Variants in NDUFV3 observed in about 807,000 individuals in gnomAD.
The protein encoded by NDUFV3 is NADH:ubiquinone oxidoreductase subunit V3.
A neutral mutation model predicts 37.5 loss-of-function variants in NDUFV3; 44 were observed. The observed-to-expected ratio is 1.17, with a 90% CI of 0.92 to 1.51. The LOEUF (loss-of-function observed/expected upper bound fraction) is 1.51, where lower values mean the gene tolerates loss of function less well. Among genes scored for constraint, NDUFV3 ranks in the 40% most tolerant of loss-of-function variants. The probability of loss-of-function intolerance (pLI) is 0.00; values close to 1 mark genes in which losing one functional copy is unlikely to be tolerated. For missense variants in NDUFV3, 580 were observed against 580.4 expected (o/e 1.00, Z 0.01); for synonymous variants, 235 against 239.3 (o/e 0.98, Z 0.17).
intron 2 of NDUFV3, among the ~76,000 whole-genome samples, chr21:42,901,968 G>A (rs1410251052): frequency 3.9e-5 from 6 of 152,244 alleles, no homozygotes; most frequent in Admixed American, 3.3e-4. Context: ...CAGCACTTTG[G>A]GAGGCCAAGG....
chr21:42,893,784 C>T (rs1378554936), intron 1 of NDUFV3, among the ~76,000 whole-genome samples: 2 of 152,254 alleles, frequency 1.3e-5, no homozygotes, highest in Admixed American at 1.3e-4. Context: ...CTCCATTTAG[C>T]CAAGAGAGGA....
intron 2 of NDUFV3, among the ~76,000 whole-genome samples, chr21:42,899,969 G>A (rs13047012): frequency 0.046 from 6,972 of 152,254 alleles, 223 homozygotes; most frequent in South Asian, 0.092. Flanking sequence ...AAGCTGAGGC[G>A]GGAGGATCAG....
Position 42,893,350 on chromosome 21 carries a change from T to G in NDUFV3, c.17T>G (p.Leu6Trp), listed in dbSNP as rs1301859502. The G allele has an allele frequency of 6.5e-7, 1 of 1,538,438 alleles. No individual in the cohort carries two copies. Among genetic ancestry groups the G allele is most frequent in the African/African-American group, 1.4e-5 (1 of 73,060 alleles). Residue 6 changes from leucine to tryptophan, a missense_variant, in exon 1 of 4, where the codon TTG becomes TGG. By Grantham distance (61) the Leu-to-Trp change is moderately conservative (BLOSUM62 -2). Coordinates refer to ENST00000354250, the MANE Select transcript of NDUFV3 (RefSeq NM_021075.4). Reference protein sequence around the residue: MAAPCLLRQGRAGALK... With the variant: MAAPCWLRQGRAGALK... Reference sequence around the variant, plus strand: ...GTCACCGCCATGGCTGCCCCGTGTTTGCTGCGGCAAGGACGAGCCGGGGCG... The same window carrying G: ...GTCACCGCCATGGCTGCCCCGTGTTGGCTGCGGCAAGGACGAGCCGGGGCG...
chr21:42,906,465 T>A (rs1431648364), intron 3 of NDUFV3, among the ~76,000 whole-genome samples: 2 of 152,190 alleles, frequency 1.3e-5, no homozygotes, highest in African/African-American at 4.8e-5. Context: ...CAAGTGCCGG[T>A]GCTTGCCAGA....
chr21:42,893,498 T>C (rs2058667192), intron 1 of NDUFV3, 117 bp downstream of exon 1: 11 of 1,221,106 alleles, frequency 9.0e-6, no homozygotes, highest in Middle Eastern at 2.7e-4. Flanking sequence ...GCCGTCCTAG[T>C]TGGGCCGCTG....
chr21:42,894,372 T>TA lies in NDUFV3; in HGVS notation c.48+991_48+992insA, dbSNP rs1191662931. Among the ~76,000 whole-genome samples, 17 of 19,054 alleles carry TA rather than the reference T, an allele frequency of 8.9e-4. No homozygotes were observed. In the African/African-American group the frequency reaches 0.023, roughly 26 times the overall value. 12.5% of individuals were successfully genotyped at this position (19,054 alleles called of 152,430 possible). On this transcript the variant is annotated intron_variant, in intron 1 of 3. Transcript: ENST00000354250. The stretch of plus-strand genomic sequence containing the variant: ...ATATAAATATATATTATATATATAT[T>TA]TATATAATATGTAAATATATATTAT...
chr21:42,908,748 G>C (rs1319861220), intron 3 of NDUFV3, 116 bp from the exon 4 acceptor site: 25 of 1,238,932 alleles, frequency 2.0e-5, no homozygotes, highest in Middle Eastern at 4.0e-4. Context: ...ATAAAGAGCT[G>C]TTCACAGATA....
chr21:42,897,687 T>A (rs575613945), intron 2 of NDUFV3, among the ~76,000 whole-genome samples: 1 of 150,814 alleles, frequency 6.6e-6, no homozygotes, highest in East Asian at 2.0e-4. Flanking sequence ...TCTTTAATTC[T>A]TTTTTTTGAG....
intron 2 of NDUFV3, among the ~76,000 whole-genome samples, chr21:42,897,945 G>T (rs1321490910): frequency 6.6e-6 from 1 of 152,222 alleles, no homozygotes; most frequent in Non-Finnish European, 1.5e-5. Flanking sequence ...CAGAGTGCTG[G>T]AATTACAGGC....
rs11385187 is a variant in NDUFV3, at chr21:42,901,283, C to CA, written c.170-1890dup. On this transcript the variant is annotated intron_variant, in intron 2 of 3. Coordinates refer to ENST00000354250, the MANE Select transcript of NDUFV3 (RefSeq NM_021075.4). ...TGAAAACCTGTATCTACTAAAAATACAAAAAAAAATTAGCCGGGCGTGGTG... is the reference window on the plus strand; with the variant it reads ...TGAAAACCTGTATCTACTAAAAATACAAAAAAAAAATTAGCCGGGCGTGGTG... Among the ~76,000 whole-genome samples the CA allele has an allele frequency of 9.9e-3, 1,490 of 150,890 alleles. 39 individuals are homozygous for CA. The highest frequency in any genetic ancestry group is 0.035 in the African/African-American group (1,421 of 41,086).
At chr21:42,894,478 T>TA (rs2058679966) in intron 1 of NDUFV3, among the ~76,000 whole-genome samples, 8 of 63,410 alleles carry the variant, frequency 1.3e-4, no homozygotes, top group African/African-American at 6.2e-4. Context: ...ATATATTATA[T>TA]ATTTATATAT....
At position 42,897,026 on chromosome 21, in the gene NDUFV3, A is replaced by T. The variant is rs1226996128; in HGVS notation, c.148A>T (p.Lys50Ter). The change falls in exon 2 of 4, where the codon AAG becomes TAG. Residue 50 changes from lysine (K) to a stop codon, truncating the protein, a stop_gained. Transcript: ENST00000354250. LOFTEE classifies it high-confidence loss of function. ...TGAAAAGGGTCAGCCACAGAATTCC[A>T]AGAAGCAAAGTCCACCAAAAAGTAA... ...KSEKGQPQNS[K>*]KQSPPKNVVE... is the part of the protein sequence containing the mutation. 1 of 1,614,108 alleles carries T rather than the reference A, an allele frequency of 6.2e-7. No homozygotes were observed. Among genetic ancestry groups the T allele is most frequent in the South Asian group, 1.1e-5 (1 of 91,084 alleles).
At position 42,912,069 on chromosome 21, in the gene NDUFV3, C is replaced by A. The variant is rs980108418; in HGVS notation, c.*3048C>A. On this transcript the variant is annotated 3_prime_UTR_variant, in exon 4 of 4. Transcript: ENST00000354250. ...CAGCCTGACTAACATGGTGAAACCCCCTCTCTACTAAAATTACAAAATTAG... is the reference window on the plus strand; with the variant it reads ...CAGCCTGACTAACATGGTGAAACCCACTCTCTACTAAAATTACAAAATTAG... The A allele has an allele frequency of 6.6e-6, 1 of 151,814 alleles. No homozygotes were observed. The highest frequency in any genetic ancestry group is 6.6e-5 in the Admixed American group (1 of 15,214). 9.4% of individuals were successfully genotyped at this position (151,814 alleles called of 1,614,324 possible).
chr21:42,901,419 C>T lies in NDUFV3; in HGVS notation c.170-1763C>T, dbSNP rs143054565. Among the ~76,000 whole-genome samples the T allele has an allele frequency of 3.1e-3, 470 of 149,562 alleles. 2 individuals are homozygous for T. Among genetic ancestry groups the T allele is most frequent in the African/African-American group, 0.01 (425 of 40,556 alleles). On this transcript the variant is annotated intron_variant, in intron 2 of 3. Transcript: ENST00000354250. ...ATCACGCCATTGCACTCTAGCCTGA[C>T]CCAAAAGAGTGAAACTCCATCTCAA... is the stretch of plus-strand genomic sequence containing the variant.
At chr21:42,901,931 G>T (rs565546296) in intron 2 of NDUFV3, among the ~76,000 whole-genome samples, 1 of 152,162 alleles carries the variant, frequency 6.6e-6, no homozygotes, top group African/African-American at 2.4e-5. Context: ...ATAAAATGCC[G>T]GGCACGGTGG....
chr21:42,897,175 A>G (rs1601214572), intron 2 of NDUFV3, 128 bp downstream of exon 2: 2 of 1,035,134 alleles, frequency 1.9e-6, no homozygotes, highest in Non-Finnish European at 1.5e-6. Context: ...AGCAGTGTCC[A>G]GATTATACAA....
intron 2 of NDUFV3, 49 bp downstream of exon 2, chr21:42,897,096 T>C (rs375677441): frequency 6.2e-7 from 1 of 1,605,580 alleles, no homozygotes; most frequent in Non-Finnish European, 8.5e-7. Flanking sequence ...AAAAAGAAAA[T>C]AGATTAGTCA....
chr21:42,897,915 A>G (rs935631018), intron 2 of NDUFV3, among the ~76,000 whole-genome samples: 1 of 151,838 alleles, frequency 6.6e-6, no homozygotes, highest in Non-Finnish European at 1.5e-5. Flanking sequence ...TGACCTTGTG[A>G]TCCGCCCGCC....
chr21:42,908,005 G>C (rs2058749361), intron 3 of NDUFV3, among the ~76,000 whole-genome samples: 1 of 151,920 alleles, frequency 6.6e-6, no homozygotes. Context: ...TACAAACTAA[G>C]ATGTTAAGAC....
Sources: allele counts gnomAD v4.1 joint callset (sites outside exome capture counted in the v4.1 genomes callset), GRCh38; gene constraint gnomAD v4.1.1; transcripts MANE v1.5; gene names NCBI Gene and HGNC (gene_info 2026-07-23, HGNC 2026-07-21).